Variants in GSE1 observed in about 807,000 individuals in gnomAD.
GSE1 encodes Gse1 coiled-coil protein.
GSE1 carries 32 observed loss-of-function variants against 112.6 expected under a neutral mutation model. That is an observed-to-expected ratio of 0.28 (90% confidence interval 0.21 to 0.38). The LOEUF (loss-of-function observed/expected upper bound fraction) is 0.38. Among genes scored for constraint, GSE1 ranks in the 10% least tolerant of loss-of-function variants. The pLI is 1.00. For missense variants in GSE1, 2,348 were observed against 1,699.2 expected (o/e 1.38, Z -6.71); for synonymous variants, 1,115 against 735.6 (o/e 1.52, Z -8.35).
Position 85,221,377 on chromosome 16 carries a change from A to G in GSE1, c.2283+49570A>G, listed in dbSNP as rs533335410. ...CACACACACCATGTACATATACTAC[A>G]CACACCCACATGCATACACACATAC... On this transcript the variant is annotated intron_variant, in intron 1 of 2. Coordinates refer to the GSE1 transcript ENST00000637419. Among the ~76,000 whole-genome samples, 5 of 152,008 alleles carry G rather than the reference A, an allele frequency of 3.3e-5. No homozygotes were observed. In the South Asian group the frequency reaches 1.0e-3, roughly 32 times the overall value.
intron 1 of GSE1, among the ~76,000 whole-genome samples, chr16:85,177,523 C>T (rs554640820): frequency 6.6e-6 from 1 of 152,342 alleles, no homozygotes; most frequent in South Asian, 2.1e-4. Context: ...GGGCGACCTT[C>T]ATCCAGTTTC....
chr16:85,513,892 C>T lies in GSE1; in HGVS notation c.2465-120022C>T, dbSNP rs374323095. Among the ~76,000 whole-genome samples the T allele has an allele frequency of 5.7e-4, 87 of 152,258 alleles. 2 individuals carry two copies. In the South Asian group the frequency reaches 0.016, roughly 28 times the overall value. On this transcript the variant is annotated intron_variant, in intron 2 of 2. Transcript: ENST00000637419. The stretch of plus-strand genomic sequence containing the variant: ...CAATGCAGAAATCGGGACCCCACCG[C>T]GGTGTCTGATACTCTGGGTCAGGGC...
At chr16:85,655,701 T>C (rs775458875) in intron 5 of GSE1, 25 bp from the exon 6 acceptor site, 4 of 1,539,272 alleles carry the variant, frequency 2.6e-6, no homozygotes, top group Admixed American at 1.8e-5. Flanking sequence ...CATTTGCTGC[T>C]CACAGCCCCG....
Position 85,668,217 on chromosome 16 carries a change from T to A in GSE1, c.3208T>A (p.Ser1070Thr). The change falls in exon 14 of 16, where the codon TCC (serine) becomes ACC (threonine). Residue 1070 changes from serine to threonine, a missense_variant. Coordinates refer to ENST00000253458, the MANE Select transcript of GSE1 (RefSeq NM_014615.5). ...CCACTACAACATTCCTGAGCTGCAG[T>A]CCTCCAGCCGCGCCCCTCCACCCCA... ...SVHYNIPELQ[S>T]SSRAPPPQHN... is the part of the protein sequence containing the mutation. 1 of 1,610,708 alleles carries A rather than the reference T, an allele frequency of 6.2e-7. No homozygotes were observed. The highest frequency in any genetic ancestry group is 1.3e-5 in the African/African-American group (1 of 74,900).
intron 1 of GSE1, among the ~76,000 whole-genome samples, chr16:85,205,035 G>A (rs1357560263): frequency 3.3e-5 from 5 of 150,134 alleles, no homozygotes; most frequent in Admixed American, 3.3e-4. Context: ...CATTTGCTGG[G>A]CATGTACACG....
At chr16:85,296,199 C>T (rs1157489455) in intron 1 of GSE1, among the ~76,000 whole-genome samples, 5 of 152,168 alleles carry the variant, frequency 3.3e-5, no homozygotes, top group East Asian at 1.9e-4. Context: ...ACAGCCTGTG[C>T]GAACACTGCC....
At chr16:85,556,616 G>C (rs941892587) in intron 1 of GSE1, among the ~76,000 whole-genome samples, 2 of 151,316 alleles carry the variant, frequency 1.3e-5, no homozygotes, top group Admixed American at 1.3e-4. Flanking sequence ...TGCGCGTCTC[G>C]CTCCTTTTGT....
intron 15 of GSE1, 111 bp from the exon 16 acceptor site, chr16:85,672,294 C>T (rs531668527): frequency 2.9e-5 from 23 of 801,332 alleles, no homozygotes; most frequent in East Asian, 1.1e-4. Context: ...CACGCCCGGC[C>T]GGGACATTTT....
chr16:85,280,129 GGAGCA>G (rs1555551807), intron 1 of GSE1, among the ~76,000 whole-genome samples: 4 of 152,218 alleles, frequency 2.6e-5, no homozygotes, highest in Non-Finnish European at 1.5e-5. Context: ...ATGCTGTTTC[GGAGCA>G]GATGGAACTG....
chr16:85,216,783 G>T (rs943028748), intron 1 of GSE1, among the ~76,000 whole-genome samples: 2 of 152,240 alleles, frequency 1.3e-5, no homozygotes, highest in Non-Finnish European at 2.9e-5. Flanking sequence ...CTGGCCTTGG[G>T]CTGTTTCTGG....
At chr16:85,327,117 C>G (rs534876662) in intron 1 of GSE1, among the ~76,000 whole-genome samples, 4 of 152,236 alleles carry the variant, frequency 2.6e-5, no homozygotes, top group Non-Finnish European at 5.9e-5. Context: ...GAGCCTCTCC[C>G]TGGGCAACCT....
chr16:85,385,448 C>T (rs949796271), intron 2 of GSE1, among the ~76,000 whole-genome samples: 3 of 152,172 alleles, frequency 2.0e-5, no homozygotes, highest in African/African-American at 7.2e-5. Flanking sequence ...AGAGACCGGG[C>T]TGGGTGGGAC....
intron 1 of GSE1, among the ~76,000 whole-genome samples, chr16:85,327,679 A>G (rs1369829257): frequency 9.2e-5 from 14 of 152,178 alleles, no homozygotes; most frequent in Non-Finnish European, 1.3e-4. Flanking sequence ...TGTTGTGGCC[A>G]TTTTTGGAAA....
intron 1 of GSE1, among the ~76,000 whole-genome samples, chr16:85,558,257 T>A (rs2045333906): frequency 6.6e-6 from 1 of 152,122 alleles, no homozygotes; most frequent in Non-Finnish European, 1.5e-5. Context: ...TTCTCGTCTG[T>A]CTCCCCCCGG....
At chr16:85,545,200 C>A (rs948786579) in intron 2 of GSE1, among the ~76,000 whole-genome samples, 6 of 152,224 alleles carry the variant, frequency 3.9e-5, no homozygotes, top group African/African-American at 1.4e-4. Flanking sequence ...CCTGGGCAGT[C>A]CCCAACACAG....
At chr16:85,241,974 C>T (rs373592881) in intron 1 of GSE1, among the ~76,000 whole-genome samples, 18 of 152,112 alleles carry the variant, frequency 1.2e-4, no homozygotes, top group African/African-American at 4.3e-4. Context: ...CTCCCAGTTG[C>T]TGTCTGCACC....
intron 3 of GSE1, among the ~76,000 whole-genome samples, chr16:85,649,716 T>C (rs1219937187): frequency 2.0e-5 from 3 of 152,218 alleles, no homozygotes; most frequent in East Asian, 3.8e-4. Flanking sequence ...ACCTGGACTT[T>C]TCTGCTGAGT....
At chr16:85,473,733 G>A (rs2050366287) in intron 2 of GSE1, among the ~76,000 whole-genome samples, 2 of 152,158 alleles carry the variant, frequency 1.3e-5, no homozygotes, top group African/African-American at 2.4e-5. Flanking sequence ...TAAGTCACAC[G>A]CACAGGTTCC....
chr16:85,624,720 C>T (rs1354611369), intron 1 of GSE1, among the ~76,000 whole-genome samples: 1 of 152,244 alleles, frequency 6.6e-6, no homozygotes, highest in African/African-American at 2.4e-5. Context: ...GTGAGCATCC[C>T]ACTGTGTGGA....
Sources: gnomAD v4.1 joint callset for allele counts (sites outside exome capture counted in the v4.1 genomes callset) on GRCh38, gnomAD v4.1.1 for gene constraint, MANE v1.5 for transcripts, NCBI Gene and HGNC (gene_info 2026-07-23, HGNC 2026-07-21) for gene names.